The following SEC23B variants were observed in gnomAD, a reference collection of about 807,000 sequenced individuals.
The protein encoded by SEC23B is protein transport protein Sec23B.
A neutral mutation model predicts 104.3 loss-of-function variants in SEC23B; 77 were observed. The ratio of observed to expected loss-of-function variants is 0.74; its 90% CI spans 0.61 to 0.89. SEC23B has a LOEUF of 0.89. Ranked by LOEUF, SEC23B falls within the 40% of genes least tolerant of loss-of-function variation. The pLI is 0.00. For synonymous variants in SEC23B, 338 were observed against 332.5 expected (o/e 1.02, Z -0.18); for missense variants, 885 against 949.4 (o/e 0.93, Z 0.89).
At chr20:18,522,953 G>A (rs2060097467) in intron 4 of SEC23B, among the ~76,000 whole-genome samples, 1 of 151,932 alleles carries the variant, frequency 6.6e-6, no homozygotes, top group Non-Finnish European at 1.5e-5. Context: ...TATAGTCCCA[G>A]CTACTTGGGA....
rs1185008585 is a variant in SEC23B at position 18,542,390 on chromosome 20, C to G, written c.1499C>G (p.Thr500Ser). 1.2e-6 allele frequency: 2 copies of G among 1,614,104 alleles called. No individual in the cohort carries two copies. The highest frequency in any genetic ancestry group is 1.7e-6 in the Non-Finnish European group (2 of 1,179,914). ...SSTQRRIRVTTIARNWADVQS... is the reference protein window; with the variant it reads ...SSTQRRIRVTSIARNWADVQS... ...ACCCAGAGACGCATCCGCGTGACCACCATCGCCCGAAAGTAAGCAGCCCCA... is the reference window on the plus strand; with the variant it reads ...ACCCAGAGACGCATCCGCGTGACCAGCATCGCCCGAAAGTAAGCAGCCCCA... Residue 500 changes from threonine to serine, a missense_variant, in exon 13 of 20, where the codon ACC becomes AGC. Thr to Ser is a moderately conservative substitution (Grantham distance 58, BLOSUM62 1). Coordinates refer to ENST00000650089, the MANE Select transcript of SEC23B (RefSeq NM_006363.6).
intron 12 of SEC23B, among the ~76,000 whole-genome samples, chr20:18,536,448 T>C (rs1276398717): frequency 1.3e-5 from 2 of 152,138 alleles, no homozygotes; most frequent in African/African-American, 4.8e-5. Context: ...ATCCCAGCAC[T>C]TTGGGAGGCC....
intron 12 of SEC23B, among the ~76,000 whole-genome samples, chr20:18,535,972 G>C (rs545628505): frequency 1.0e-3 from 156 of 152,312 alleles, no homozygotes; most frequent in Middle Eastern, 3.4e-3. Context: ...AAGGTCATTA[G>C]AAGTGTAATA....
At chr20:18,560,408 C>T (rs563692257) in intron 19 of SEC23B, among the ~76,000 whole-genome samples, 8 of 152,214 alleles carry the variant, frequency 5.3e-5, no homozygotes, top group East Asian at 1.9e-4. Flanking sequence ...TAAAGTAAAA[C>T]GCCTGATGCT....
intron 4 of SEC23B, among the ~76,000 whole-genome samples, chr20:18,521,712 A>C (rs1314438819): frequency 1.3e-5 from 2 of 152,010 alleles, no homozygotes; most frequent in East Asian, 3.9e-4. Context: ...AGAAGGGGAG[A>C]GGTCAGATGA....
chr20:18,538,444 G>A (rs748213185), intron 12 of SEC23B, among the ~76,000 whole-genome samples: 3 of 151,588 alleles, frequency 2.0e-5, no homozygotes, highest in Middle Eastern at 3.2e-3. Context: ...TAGTAGAGAC[G>A]GGGTTTCACC....
At chr20:18,530,093 C>A (rs570117033) in intron 9 of SEC23B, among the ~76,000 whole-genome samples, 1 of 152,190 alleles carries the variant, frequency 6.6e-6, no homozygotes, top group Non-Finnish European at 1.5e-5. Flanking sequence ...GGATTTCCCA[C>A]AGGCCTGGGT....
chr20:18,528,171 C>T (rs1045733313), intron 9 of SEC23B, among the ~76,000 whole-genome samples: 1 of 152,180 alleles, frequency 6.6e-6, no homozygotes, highest in African/African-American at 2.4e-5. Context: ...ATTTCTAGGC[C>T]TTACCCAGAC....
chr20:18,541,573 A>G (rs967626898), intron 12 of SEC23B, among the ~76,000 whole-genome samples: 1 of 152,232 alleles, frequency 6.6e-6, no homozygotes, highest in African/African-American at 2.4e-5. Flanking sequence ...ATCTCAGGAA[A>G]TAGGGGAGGC....
At chr20:18,525,659 A>T (rs1249850793) in intron 6 of SEC23B, 129 bp from the exon 7 acceptor site, 3 of 974,682 alleles carry the variant, frequency 3.1e-6, no homozygotes, top group Non-Finnish European at 4.8e-6. Flanking sequence ...ATAGCTTTGA[A>T]GAAAAAAATT....
At chr20:18,555,679 T>G (rs2060431030) in intron 19 of SEC23B, among the ~76,000 whole-genome samples, 1 of 152,156 alleles carries the variant, frequency 6.6e-6, no homozygotes, top group Admixed American at 6.5e-5. Context: ...TTAAATTAAA[T>G]TTTTTTGAGA....
Position 18,561,407 on chromosome 20 carries a change from C to G in SEC23B, c.*667C>G, listed in dbSNP as rs532123976. 12 of 152,094 alleles carry G rather than the reference C, an allele frequency of 7.9e-5. No individual in the cohort carries two copies. Among genetic ancestry groups the G allele is most frequent in the African/African-American group, 2.9e-4 (12 of 41,412 alleles). The allele number at this position is 152,094 out of a possible 1,614,324, so 9.4% of individuals were successfully genotyped here. The stretch of plus-strand genomic sequence containing the variant: ...TCAAAGAATCAATATATTAATATAC[C>G]TTTGGTCATTTTTGTATTTTTATTT... On this transcript the variant is annotated 3_prime_UTR_variant, in exon 20 of 20. Transcript: ENST00000650089.
At chr20:18,518,586 T>TTG (rs1275702893) in intron 4 of SEC23B, among the ~76,000 whole-genome samples, 5 of 90,906 alleles carry the variant, frequency 5.5e-5, no homozygotes, top group African/African-American at 1.6e-4. Flanking sequence ...AAGGAGGTTT[T>TTG]TTTTTTTTTT....
chr20:18,555,987 G>C (rs566149006), intron 19 of SEC23B, among the ~76,000 whole-genome samples: 1 of 151,100 alleles, frequency 6.6e-6, no homozygotes, highest in Non-Finnish European at 1.5e-5. Context: ...TGGGGGTGAC[G>C]GGAGACGGTG....
chr20:18,510,774 A>T, intron 1 of SEC23B, 48 bp from the exon 2 acceptor site: 1 of 1,410,690 alleles, frequency 7.1e-7, no homozygotes, highest in Non-Finnish European at 1.0e-6. Flanking sequence ...TTTGACATTT[A>T]GTTCAGAATT....
At chr20:18,557,784 C>T (rs1346403077) in intron 19 of SEC23B, among the ~76,000 whole-genome samples, 5 of 117,444 alleles carry the variant, frequency 4.3e-5, no homozygotes, top group African/African-American at 1.6e-4. Flanking sequence ...TGGAGTTTTG[C>T]ACTTGTTGCC....
intron 6 of SEC23B, among the ~76,000 whole-genome samples, chr20:18,525,518 A>G (rs2060126102): frequency 6.6e-6 from 1 of 152,248 alleles, no homozygotes. Context: ...TTTGCTGTCT[A>G]AAAATTAATT....
intron 12 of SEC23B, among the ~76,000 whole-genome samples, chr20:18,537,270 G>A (rs989388676): frequency 6.6e-6 from 1 of 151,742 alleles, no homozygotes; most frequent in African/African-American, 2.4e-5. Context: ...AAATCATGCT[G>A]CTATAAAGAC....
intron 8 of SEC23B, among the ~76,000 whole-genome samples, chr20:18,527,199 G>A (rs1411437646): frequency 2.6e-5 from 4 of 151,966 alleles, no homozygotes; most frequent in Non-Finnish European, 4.4e-5. Context: ...CCTGGGTGAC[G>A]GAGTGAGACT....
Sources: allele counts gnomAD v4.1 joint callset (sites outside exome capture counted in the v4.1 genomes callset), GRCh38; gene constraint gnomAD v4.1.1; transcripts MANE v1.5; gene names NCBI Gene and HGNC (gene_info 2026-07-23, HGNC 2026-07-21).